The following PALM2AKAP2 variants were observed in gnomAD, a reference collection of about 807,000 sequenced individuals.
The protein encoded by PALM2AKAP2 is PALM2 and AKAP2 fusion.
In PALM2AKAP2, 37 loss-of-function variants were observed where a neutral mutation model predicts 71.5. The observed-to-expected ratio is 0.52, with a 90% CI of 0.40 to 0.68. The LOEUF (loss-of-function observed/expected upper bound fraction) is 0.68, where lower values mean the gene tolerates loss of function less well. PALM2AKAP2 is among the 30% of genes least tolerant of loss of function. The probability of loss-of-function intolerance (pLI) is 0.00; values close to 1 mark genes in which losing one functional copy is unlikely to be tolerated. For synonymous variants in PALM2AKAP2, 468 were observed against 478.8 expected (o/e 0.98, Z 0.29); for missense variants, 1,224 against 1,191.8 (o/e 1.03, Z -0.40).
At chr9:109,906,993 G>A (rs1025719396) in intron 3 of PALM2AKAP2, among the ~76,000 whole-genome samples, 12 of 152,140 alleles carry the variant, frequency 7.9e-5, no homozygotes. Context: ...ACTTGAGCCT[G>A]CCTTGCACAT....
At chr9:109,780,591 C>G (rs1829427295) in intron 1 of PALM2AKAP2, 58 bp downstream of exon 1, 2 of 1,610,472 alleles carry the variant, frequency 1.2e-6, no homozygotes, top group Admixed American at 1.7e-5. Context: ...AGGGGGCCCC[C>G]GAGGGTTTCG....
At chr9:110,161,404 T>C (rs1349491445) in intron 3 of PALM2AKAP2, among the ~76,000 whole-genome samples, 1 of 152,216 alleles carries the variant, frequency 6.6e-6, no homozygotes, top group Non-Finnish European at 1.5e-5. Context: ...GGCCATTTTT[T>C]TCTGTACTTT....
At chr9:110,147,528 G>T (rs541201136) in intron 2 of PALM2AKAP2, among the ~76,000 whole-genome samples, 1 of 152,070 alleles carries the variant, frequency 6.6e-6, no homozygotes, top group Admixed American at 6.6e-5. Context: ...TTGCTCTTTT[G>T]TTTTAAGAAA....
chr9:110,167,101 T>C (rs886714821), intron 3 of PALM2AKAP2, among the ~76,000 whole-genome samples: 4 of 152,152 alleles, frequency 2.6e-5, no homozygotes, highest in African/African-American at 4.8e-5. Context: ...GTGAGACTTA[T>C]TCACTATCAC....
At chr9:109,668,951 G>T (rs572826278) in intron 1 of PALM2AKAP2, among the ~76,000 whole-genome samples, 31 of 152,264 alleles carry the variant, frequency 2.0e-4, no homozygotes, top group African/African-American at 6.7e-4. Flanking sequence ...CAAAGCTTAG[G>T]TCATCACTGA....
chr9:110,053,426 G>A (rs946514415), intron 1 of PALM2AKAP2, among the ~76,000 whole-genome samples: 4 of 151,226 alleles, frequency 2.6e-5, no homozygotes, highest in African/African-American at 9.7e-5. Flanking sequence ...TACTCGAGAG[G>A]CTGAGGTAGG....
At chr9:110,146,677 C>T (rs1423291821) in intron 2 of PALM2AKAP2, among the ~76,000 whole-genome samples, 2 of 152,116 alleles carry the variant, frequency 1.3e-5, no homozygotes, top group African/African-American at 4.8e-5. Flanking sequence ...GTGTCTTTTA[C>T]CAGCCATAGT....
exon 4 of PALM2AKAP2, chr9:110,168,714 T>A: frequency 1.8e-6 from 1 of 543,030 alleles, no homozygotes; most frequent in Non-Finnish European, 3.1e-6. Context: ...GAGAAAGGAC[T>A]TTTTTGGTGA....
At chr9:109,848,550 A>C (rs10816897) in intron 1 of PALM2AKAP2, among the ~76,000 whole-genome samples, 37,588 of 152,062 alleles carry the variant, frequency 0.25, 5,359 homozygotes, top group East Asian at 0.48. Flanking sequence ...GGACTGAGGG[A>C]AGTAGTCAGT....
intron 1 of PALM2AKAP2, among the ~76,000 whole-genome samples, chr9:109,837,445 C>T (rs1021045813): frequency 5.9e-5 from 9 of 152,144 alleles, no homozygotes; most frequent in African/African-American, 1.4e-4. Context: ...TAAAGACCAT[C>T]GAGGCTAGAA....
chr9:109,657,452 T>TTTTGTGTGTG (rs112474230), intron 1 of PALM2AKAP2, among the ~76,000 whole-genome samples: 1 of 147,106 alleles, frequency 6.8e-6, no homozygotes, highest in African/African-American at 2.6e-5. Context: ...AATATGGTAT[T>TTTTGTGTGTG]TGTGTGTGTG....
intron 1 of PALM2AKAP2, among the ~76,000 whole-genome samples, chr9:110,049,642 G>T (rs1348033266): frequency 6.6e-6 from 1 of 152,184 alleles, no homozygotes; most frequent in East Asian, 1.9e-4. Flanking sequence ...AGAGCAGACC[G>T]TGGGGGAGAG....
chr9:110,010,993 T>C (rs1468808832), intron 6 of PALM2AKAP2, among the ~76,000 whole-genome samples: 3 of 20,964 alleles, frequency 1.4e-4, no homozygotes, highest in African/African-American at 2.2e-4. Context: ...CGAAACTCTG[T>C]CTCAAAAAAA....
At chr9:109,892,026 T>C (rs1258411800) in intron 3 of PALM2AKAP2, among the ~76,000 whole-genome samples, 1 of 152,236 alleles carries the variant, frequency 6.6e-6, no homozygotes, top group Non-Finnish European at 1.5e-5. Context: ...AGATTACATC[T>C]CTCAGATGTA....
At chr9:109,991,986 T>C (rs1258710074) in intron 6 of PALM2AKAP2, among the ~76,000 whole-genome samples, 2 of 152,228 alleles carry the variant, frequency 1.3e-5, no homozygotes, top group Non-Finnish European at 2.9e-5. Context: ...TGGAATGGGC[T>C]GTGTATTGGT....
At chr9:109,813,611 G>A (rs928885685) in intron 1 of PALM2AKAP2, among the ~76,000 whole-genome samples, 1 of 152,118 alleles carries the variant, frequency 6.6e-6, no homozygotes, top group Non-Finnish European at 1.5e-5. Context: ...CAGAGCATGG[G>A]TCTTGAAGTA....
chr9:109,863,364 T>C (rs572267871), intron 1 of PALM2AKAP2, among the ~76,000 whole-genome samples: 2 of 152,276 alleles, frequency 1.3e-5, no homozygotes, highest in South Asian at 2.1e-4. Context: ...ATGACTTAGA[T>C]TTCTGACTTA....
At chr9:110,103,027 C>A (rs1169662872) in intron 1 of PALM2AKAP2, among the ~76,000 whole-genome samples, 1 of 152,148 alleles carries the variant, frequency 6.6e-6, no homozygotes, top group East Asian at 1.9e-4. Flanking sequence ...CCTGGAACAG[C>A]CTTCTACCCA....
At chr9:109,756,361 A>C (rs1325457984) in intron 1 of PALM2AKAP2, among the ~76,000 whole-genome samples, 1 of 152,138 alleles carries the variant, frequency 6.6e-6, no homozygotes, top group African/African-American at 2.4e-5. Flanking sequence ...CCCATGTTCT[A>C]CTATTAATCT....
Sources: gnomAD v4.1 joint callset for allele counts (sites outside exome capture counted in the v4.1 genomes callset) on GRCh38, gnomAD v4.1.1 for gene constraint, MANE v1.5 for transcripts, NCBI Gene and HGNC (gene_info 2026-07-23, HGNC 2026-07-21) for gene names.